FHIT: variants seen among roughly 807,000 people sequenced by gnomAD.
FHIT encodes the protein fragile histidine triad diadenosine triphosphatase.
In FHIT, 19 loss-of-function variants were observed where a neutral mutation model predicts 17.9. That is an observed-to-expected ratio of 1.06 (90% confidence interval 0.74 to 1.56). FHIT has a LOEUF of 1.56. Ranked by LOEUF, FHIT falls within the 40% of genes most tolerant of loss-of-function variation. The pLI is 0.00. For synonymous variants in FHIT, 81 were observed against 69.7 expected, an observed-to-expected ratio of 1.16 and a Z score of -0.81; for missense variants, 248 against 189.2, an observed-to-expected ratio of 1.31 and a Z score of -1.82.
At chr3:61,061,780 TA>T (rs2034440060) in intron 2 of FHIT, among the ~76,000 whole-genome samples, 1 of 152,190 alleles carries the variant, frequency 6.6e-6, no homozygotes, top group African/African-American at 2.4e-5. Context: ...AGGTACACGT[TA>T]TTGCAAAACA....
chr3:60,079,241 G>A (rs1290281887), intron 5 of FHIT, among the ~76,000 whole-genome samples: 1 of 152,106 alleles, frequency 6.6e-6, no homozygotes, highest in African/African-American at 2.4e-5. Flanking sequence ...TGATGTGCAG[G>A]CCGCAGAGAC....
At chr3:61,248,211 C>T (rs373487467) in intron 1 of FHIT, among the ~76,000 whole-genome samples, 2 of 151,982 alleles carry the variant, frequency 1.3e-5, no homozygotes, top group East Asian at 3.9e-4. Flanking sequence ...GAACAGGGTG[C>T]TTATGAATGC....
chr3:60,282,880 T>A (rs1289426461), intron 5 of FHIT, among the ~76,000 whole-genome samples: 1 of 152,164 alleles, frequency 6.6e-6, no homozygotes, highest in Non-Finnish European at 1.5e-5. Flanking sequence ...AAGATTCTTA[T>A]GGCTGCTAAG....
Position 60,013,038 on chromosome 3 carries a change from A to C in FHIT, c.249+969T>G, listed in dbSNP as rs186379443. 1.8e-4 allele frequency among the ~76,000 whole-genome samples: 27 copies of C among 152,340 alleles called. 1 individual carries two copies. Among genetic ancestry groups the C allele is most frequent in the Admixed American group, 1.5e-3 (23 of 15,308 alleles). ...TCAAATGGTTTGACATACAACACAT[A>C]CACACAAAGCATTTGGGGGAAGTTT... is the stretch of plus-strand genomic sequence containing the variant. On this transcript the variant is annotated intron_variant, in intron 6 of 9. Coordinates refer to ENST00000492590, the MANE Select transcript of FHIT (RefSeq NM_002012.4).
At chr3:60,124,272 T>C (rs1705438492) in intron 5 of FHIT, among the ~76,000 whole-genome samples, 1 of 151,720 alleles carries the variant, frequency 6.6e-6, no homozygotes, top group African/African-American at 2.4e-5. Flanking sequence ...CAGACCAGTT[T>C]GAAGACTAGC....
At chr3:60,108,631 T>A (rs969439941) in intron 5 of FHIT, among the ~76,000 whole-genome samples, 6 of 151,834 alleles carry the variant, frequency 4.0e-5, no homozygotes, top group East Asian at 3.9e-4. Context: ...GTGCTTAGCA[T>A]TTCTTGGCCT....
chr3:59,847,906 T>G (rs1216746252), intron 8 of FHIT, among the ~76,000 whole-genome samples: 3 of 152,122 alleles, frequency 2.0e-5, no homozygotes, highest in Non-Finnish European at 2.9e-5. Context: ...GTCCTAGTTT[T>G]CAATATCTGG....
chr3:60,027,137 ACAC>A lies in FHIT; in HGVS notation c.104-12988_104-12986del, dbSNP rs1258030289. Among the ~76,000 whole-genome samples, 610 of 116,158 alleles carry A rather than the reference ACAC, an allele frequency of 5.3e-3. 20 individuals are homozygous for A. The highest frequency in any genetic ancestry group is 0.018 in the African/African-American group (541 of 29,372). 76.2% of individuals were successfully genotyped at this position (116,158 alleles called of 152,430 possible). On this transcript the variant is annotated intron_variant, in intron 5 of 9. Transcript: ENST00000492590. The stretch of plus-strand genomic sequence containing the variant: ...CACACACACACACACACACACACAC[ACAC>A]ACACACACAAAATTAGTAAACCCAA...
chr3:60,122,531 G>A (rs554427887), intron 5 of FHIT, among the ~76,000 whole-genome samples: 2 of 152,240 alleles, frequency 1.3e-5, no homozygotes, highest in African/African-American at 4.8e-5. Flanking sequence ...ACAGTGTCTA[G>A]CCACAAGAAC....
chr3:60,599,489 T>G (rs904713872), intron 4 of FHIT, among the ~76,000 whole-genome samples: 1 of 152,166 alleles, frequency 6.6e-6, no homozygotes, highest in Non-Finnish European at 1.5e-5. Context: ...ATCAATGTTT[T>G]CTATATTTCC....
intron 5 of FHIT, among the ~76,000 whole-genome samples, chr3:60,126,912 C>T (rs1705577201): frequency 6.6e-6 from 1 of 152,268 alleles, no homozygotes. Flanking sequence ...CTAATACCTG[C>T]AGGGAGGTGC....
At chr3:59,976,655 A>T (rs529044937) in intron 7 of FHIT, among the ~76,000 whole-genome samples, 2 of 152,114 alleles carry the variant, frequency 1.3e-5, no homozygotes, top group Non-Finnish European at 2.9e-5. Flanking sequence ...ACCACATTTG[A>T]TGCTTGAAAT....
At chr3:61,097,052 C>T (rs2035662131) in intron 2 of FHIT, among the ~76,000 whole-genome samples, 1 of 145,766 alleles carries the variant, frequency 6.9e-6, no homozygotes, top group East Asian at 2.0e-4. Context: ...GCACTTCAGC[C>T]TAGGCAACAG....
At chr3:59,978,266 C>T (rs1011059912) in intron 7 of FHIT, among the ~76,000 whole-genome samples, 1 of 152,006 alleles carries the variant, frequency 6.6e-6, no homozygotes, top group African/African-American at 2.4e-5. Flanking sequence ...GTGGTCTTGG[C>T]CAGCAAATTT....
chr3:59,964,262 AAAGG>A (rs1168680329), intron 7 of FHIT, among the ~76,000 whole-genome samples: 1 of 152,170 alleles, frequency 6.6e-6, no homozygotes, highest in African/African-American at 2.4e-5. Context: ...GAGGTATGAA[AAAGG>A]AACATTTGAA....
intron 4 of FHIT, chr3:60,617,783 A>G (rs17031623): frequency 0.012 from 1,880 of 153,896 alleles, 24 homozygotes; most frequent in East Asian, 0.038. Context: ...TGGCAGAGAA[A>G]AAGTTTAGTG....
At chr3:60,409,029 TG>T (rs1442200623) in intron 5 of FHIT, among the ~76,000 whole-genome samples, 2 of 152,102 alleles carry the variant, frequency 1.3e-5, no homozygotes, top group Admixed American at 6.6e-5. Context: ...GCTTAAGAGT[TG>T]GGTGACTCCT....
intron 2 of FHIT, among the ~76,000 whole-genome samples, chr3:61,181,693 G>GC (rs1437517223): frequency 6.6e-6 from 1 of 152,164 alleles, no homozygotes; most frequent in Non-Finnish European, 1.5e-5. Context: ...ATGCTAGCAA[G>GC]CCCCTGAATC....
At chr3:60,093,862 G>T (rs771245894) in intron 5 of FHIT, among the ~76,000 whole-genome samples, 2 of 152,150 alleles carry the variant, frequency 1.3e-5, no homozygotes, top group Non-Finnish European at 2.9e-5. Context: ...GTGTCCTAAA[G>T]GTTGGGGACT....
Sources: gnomAD v4.1 joint callset for allele counts (sites outside exome capture counted in the v4.1 genomes callset) on GRCh38, gnomAD v4.1.1 for gene constraint, MANE v1.5 for transcripts, NCBI Gene and HGNC (gene_info 2026-07-23, HGNC 2026-07-21) for gene names.